Variants in FANCI observed in about 807,000 individuals in gnomAD.
FANCI encodes Fanconi anemia group I protein.
Under a neutral mutation model 176.1 loss-of-function variants are expected in FANCI, and 156 were observed. The ratio of observed to expected loss-of-function variants is 0.89; its 90% CI spans 0.78 to 1.01. FANCI has a LOEUF of 1.01. Among genes scored for constraint, FANCI ranks in the 50% least tolerant of loss-of-function variants. FANCI has a pLI of 0.00. For synonymous variants in FANCI, 613 were observed against 541.7 expected (o/e 1.13, Z -1.83); for missense variants, 1,678 against 1,534.1 (o/e 1.09, Z -1.57).
Position 89,317,002 on chromosome 15 carries a change from G to GTCT in FANCI, c.*545_*547dup, listed in dbSNP as rs1555452148. 1.6e-6 allele frequency: 1 copy of GTCT among 632,146 alleles called. No homozygotes were observed. The highest frequency in any genetic ancestry group is 2.8e-6 in the Non-Finnish European group (1 of 355,428). The allele number at this position is 632,146 out of a possible 1,614,324, so 39.2% of individuals were successfully genotyped here. A position where few individuals can be genotyped will look rare whatever the true frequency, so the allele number is the denominator to read the frequency against. On this transcript the variant is annotated 3_prime_UTR_variant, in exon 38 of 38. Coordinates refer to ENST00000310775, the MANE Select transcript of FANCI (RefSeq NM_001113378.2). ...GTCTGTTTTCTTTTTATATAAGTGTGTCTTAGATATATTTTAAATAGAAAA... is the reference window on the plus strand; with the variant it reads ...GTCTGTTTTCTTTTTATATAAGTGTGTCTTCTTAGATATATTTTAAATAGAAAA...
Position 89,316,465 on chromosome 15 carries a change from A to T in FANCI, c.*6A>T. The stretch of plus-strand genomic sequence containing the variant: ...AGAAGAAAAGGAAAAAATAAATGAA[A>T]TGCCTGAGTTAATGTGAACTTTGGG... On this transcript the variant is annotated 3_prime_UTR_variant, in exon 38 of 38. Coordinates refer to ENST00000310775, the MANE Select transcript of FANCI (RefSeq NM_001113378.2). 1 of 1,607,478 alleles carries T rather than the reference A, an allele frequency of 6.2e-7. No individual in the cohort carries two copies. The highest frequency in any genetic ancestry group is 8.5e-7 in the Non-Finnish European group (1 of 1,176,208).
rs77260683 is a variant in FANCI at position 89,304,639 on chromosome 15, C to G, written c.3059-476C>G. Among the ~76,000 whole-genome samples, 554 of 152,336 alleles carry G rather than the reference C, an allele frequency of 3.6e-3. 5 individuals carry two copies. The highest frequency in any genetic ancestry group is 0.013 in the African/African-American group (533 of 41,572). ...GTGGATAAAGAGGCATCATTGCAGA[C>G]TAGCTGCTTGGCTGTAGTATGTGTA... On this transcript the variant is annotated intron_variant, in intron 28 of 37. Transcript: ENST00000310775.
chr15:89,270,645 A>T (rs187841961), intron 10 of FANCI, among the ~76,000 whole-genome samples: 1 of 151,694 alleles, frequency 6.6e-6, no homozygotes, highest in Non-Finnish European at 1.5e-5. Context: ...TCCTTTCCCT[A>T]TTGTTTTGAA....
At chr15:89,285,501 C>T (rs886084735) in intron 18 of FANCI, among the ~76,000 whole-genome samples, 2 of 152,116 alleles carry the variant, frequency 1.3e-5, no homozygotes, top group African/African-American at 2.4e-5. Context: ...GTGGCATGCG[C>T]CCGTGGTCCC....
At position 89,263,433 on chromosome 15, in the gene FANCI, A is replaced by G; in HGVS notation, c.518A>G (p.Tyr173Cys). 6.2e-7 allele frequency: 1 copy of G among 1,613,032 alleles called. No individual in the cohort carries two copies. The highest frequency in any genetic ancestry group is 8.5e-7 in the Non-Finnish European group (1 of 1,179,106). Residue 173 changes from tyrosine (Y) to cysteine (C), a missense_variant, in exon 7 of 38, where the codon TAT becomes TGT. This residue lies in a region of FANCI where 469 missense variants were observed against 436.9 expected (regional missense o/e 1.07). Coordinates refer to ENST00000310775, the MANE Select transcript of FANCI (RefSeq NM_001113378.2). ...TLCSGRWDQQ[Y>C]VIQLTSMFKD... ...TCTTCTACCAGGTGGGATCAGCAAT[A>G]TGTAATCCAACTCACCTCCATGTTC...
intron 37 of FANCI, 113 bp downstream of exon 37, chr15:89,315,502 G>T (rs768149143): frequency 4.3e-5 from 32 of 750,588 alleles, no homozygotes; most frequent in Non-Finnish European, 7.4e-5. Context: ...GGGCTAAAAG[G>T]TGATCAGGCA....
chr15:89,268,511 G>A lies in FANCI; in HGVS notation c.868G>A (p.Val290Met), dbSNP rs113772230. 4,503 of 1,614,120 alleles carry A rather than the reference G, an allele frequency of 2.8e-3. 110 individuals are homozygous for A. The African/African-American group carries it at 0.054, about 19-fold the overall frequency. Residue 290 changes from valine (V) to methionine (M), a missense_variant, in exon 10 of 38, where the codon GTG (valine) becomes ATG (methionine). By Grantham distance (21) the Val-to-Met change is conservative (BLOSUM62 1). This residue lies in a region of FANCI where 469 missense variants were observed against 436.9 expected (regional missense o/e 1.07). Coordinates refer to ENST00000310775, the MANE Select transcript of FANCI (RefSeq NM_001113378.2). ...KLDYELGRELVKHLKVGQQGD... is the reference protein window; with the variant it reads ...KLDYELGRELMKHLKVGQQGD... ...GGACTATGAACTAGGCAGAGAACTC[G>A]TGAAACACTTAAAGGTAGCATCAAA...
At chr15:89,308,190 A>G (rs1333076698) in intron 34 of FANCI, 1 of 1,029,766 alleles carries the variant, frequency 9.7e-7, no homozygotes, top group Non-Finnish European at 1.2e-6. Context: ...ACCACTATTG[A>G]CATGTTGCGC....
chr15:89,310,090 C>T (rs1260461198), intron 34 of FANCI, among the ~76,000 whole-genome samples: 2 of 152,170 alleles, frequency 1.3e-5, no homozygotes, highest in Non-Finnish European at 2.9e-5. Flanking sequence ...GAGTAAAAGG[C>T]AGATCTGAGA....
chr15:89,304,475 G>A (rs2054637951), intron 28 of FANCI, among the ~76,000 whole-genome samples: 1 of 152,222 alleles, frequency 6.6e-6, no homozygotes, highest in Non-Finnish European at 1.5e-5. Flanking sequence ...TATCTGTGAT[G>A]TTAGAAGTCA....
chr15:89,250,811 C>A (rs2052214279), intron 2 of FANCI, among the ~76,000 whole-genome samples: 1 of 151,270 alleles, frequency 6.6e-6, no homozygotes, highest in Middle Eastern at 3.4e-3. Flanking sequence ...AAAAATACTA[C>A]ATGTTAAAAA....
chr15:89,266,792 C>T (rs1159200376), intron 9 of FANCI, among the ~76,000 whole-genome samples: 1 of 151,918 alleles, frequency 6.6e-6, no homozygotes, highest in Non-Finnish European at 1.5e-5. Flanking sequence ...GTCTTAGATA[C>T]TAAATTAGAA....
chr15:89,309,265 TA>T (rs1350012696), intron 34 of FANCI, among the ~76,000 whole-genome samples: 1 of 152,210 alleles, frequency 6.6e-6, no homozygotes, highest in Non-Finnish European at 1.5e-5. Context: ...ATATATAGGA[TA>T]TATATCTGTC....
intron 3 of FANCI, among the ~76,000 whole-genome samples, chr15:89,260,399 C>T (rs1412117635): frequency 6.6e-6 from 1 of 152,056 alleles, no homozygotes; most frequent in East Asian, 1.9e-4. Context: ...TTGCAGAAGT[C>T]TGAAGAAAAT....
intron 14 of FANCI, among the ~76,000 whole-genome samples, chr15:89,280,724 C>G (rs1201553611): frequency 6.6e-6 from 1 of 152,138 alleles, no homozygotes; most frequent in Non-Finnish European, 1.5e-5. Context: ...TGATTTACCT[C>G]TTTAATTCTT....
intron 10 of FANCI, among the ~76,000 whole-genome samples, chr15:89,271,843 G>T (rs1456575963): frequency 6.6e-6 from 1 of 152,120 alleles, no homozygotes; most frequent in Non-Finnish European, 1.5e-5. Context: ...GTTTTGTTTA[G>T]CAGTCTCCCA....
rs746458285 is a variant in FANCI at position 89,295,000 on chromosome 15, C to T, written c.2542C>T (p.Gln848Ter). 3.2e-6 allele frequency: 5 copies of T among 1,552,310 alleles called. No homozygotes were observed. The highest frequency in any genetic ancestry group is 4.4e-6 in the Non-Finnish European group (5 of 1,147,144). The change falls in exon 24 of 38, where the codon CAG becomes TAG. Residue 848 changes from glutamine (Q) to a stop codon, truncating the protein, a stop_gained. Transcript: ENST00000310775. LOFTEE classifies it high-confidence loss of function. ...GCGCTATGCAGTGAATGTAGCTCTG[C>T]AGAAAGTACAGCAGCTAAAGGAAAC... Reference protein sequence around the residue: ...FMRYAVNVALQKVQQLKETGH... With the variant: ...FMRYAVNVAL
rs368083567 is a variant in FANCI at position 89,301,847 on chromosome 15, C to T, written c.3006+405C>T. ...GTTGACATTCAGCAGTTGACTTTCTCAGCACAGTTACCTGGTACTGACTTT... is the reference window on the plus strand; with the variant it reads ...GTTGACATTCAGCAGTTGACTTTCTTAGCACAGTTACCTGGTACTGACTTT... On this transcript the variant is annotated intron_variant, in intron 27 of 37. Transcript: ENST00000310775. Among the ~76,000 whole-genome samples, 30 of 152,322 alleles carry T rather than the reference C, an allele frequency of 2.0e-4. No homozygotes were observed. The South Asian group carries it at 6.2e-3, about 32-fold the overall frequency.
At chr15:89,261,793 C>T (rs745808001) in intron 5 of FANCI, 28 bp from the exon 6 acceptor site, 1 of 1,614,046 alleles carries the variant, frequency 6.2e-7, no homozygotes, top group Non-Finnish European at 8.5e-7. Flanking sequence ...TAATCAAATT[C>T]ATTGCTCAGT....
Sources: gnomAD v4.1 joint callset for allele counts (sites outside exome capture counted in the v4.1 genomes callset) on GRCh38, gnomAD v4.1.1 for gene constraint, gnomAD v4.1.1 regional missense constraint, MANE v1.5 for transcripts, NCBI Gene and HGNC (gene_info 2026-07-23, HGNC 2026-07-21) for gene names.